The following CACUL1 variants were observed in gnomAD, a reference collection of about 807,000 sequenced individuals.
CACUL1 encodes the protein CDK2-associated and cullin domain-containing protein 1.
A neutral mutation model predicts 45.2 loss-of-function variants in CACUL1; 13 were observed. The ratio of observed to expected loss-of-function variants is 0.29; its 90% confidence interval spans 0.19 to 0.46. The LOEUF is 0.46. Ranked by LOEUF, CACUL1 falls within the 20% of genes least tolerant of loss-of-function variation. The probability of loss-of-function intolerance (pLI) is 1.00; values close to 1 mark genes in which losing one functional copy is unlikely to be tolerated. For synonymous variants in CACUL1, 197 were observed against 174.2 expected, an observed-to-expected ratio of 1.13 and a Z score of -1.03; for missense variants, 421 against 471.4, an observed-to-expected ratio of 0.89 and a Z score of 0.99.
chr10:118,678,639 T>A lies in CACUL1; in HGVS notation c.*7489A>T, dbSNP rs2119522816. ...ATTAAGTTTTTTTTTTATCATTTTC[T>A]CATTTTAAAATTTATTCTTAGGTAC... On this transcript the variant is annotated 3_prime_UTR_variant, in exon 9 of 9. Coordinates refer to ENST00000369151, the MANE Select transcript of CACUL1 (RefSeq NM_153810.5). 3 of 152,316 alleles carry A rather than the reference T, an allele frequency of 2.0e-5. No individual in the cohort carries two copies. Among genetic ancestry groups the A allele is most frequent in the African/African-American group, 7.2e-5 (3 of 41,564 alleles). The allele number at this position is 152,316 out of a possible 1,614,324, so 9.4% of individuals were successfully genotyped here. A position where few individuals can be genotyped will look rare whatever the true frequency, so the allele number is the denominator to read the frequency against.
intron 1 of CACUL1, among the ~76,000 whole-genome samples, chr10:118,735,986 T>C (rs770484986): frequency 3.3e-5 from 5 of 152,088 alleles, no homozygotes; most frequent in Admixed American, 6.6e-5. Context: ...AATGATGACT[T>C]TTTGTCACTA....
intron 1 of CACUL1, among the ~76,000 whole-genome samples, chr10:118,731,295 T>A (rs1845695571): frequency 6.6e-6 from 1 of 151,948 alleles, no homozygotes; most frequent in South Asian, 2.1e-4. Flanking sequence ...GGAAGCAGAG[T>A]GGTTAAGTGA....
intron 1 of CACUL1, among the ~76,000 whole-genome samples, chr10:118,746,841 T>C (rs1845847451): frequency 6.6e-6 from 1 of 152,128 alleles, no homozygotes. Flanking sequence ...CAACGGCACA[T>C]GTAAAAGAGA....
At chr10:118,686,830 C>G (rs1845212792) in intron 7 of CACUL1, 189 bp from the exon 8 acceptor site, 1 of 595,356 alleles carries the variant, frequency 1.7e-6, no homozygotes, top group African/African-American at 1.9e-5. Flanking sequence ...GAACATGAGC[C>G]TTTACCTGTA....
At chr10:118,686,785 C>G in intron 7 of CACUL1, 144 bp from the exon 8 acceptor site, 1 of 644,724 alleles carries the variant, frequency 1.6e-6, no homozygotes, top group Non-Finnish European at 2.8e-6. Context: ...ATCTTAGAAT[C>G]CTGATGTACC....
In CACUL1 at chr10:118,695,259, T is replaced by C. The variant is rs369575855; in HGVS notation, c.797-29A>G. 2.8e-5 allele frequency: 34 copies of C among 1,211,558 alleles called. 1 individual carries two copies. In the African/African-American group the frequency reaches 4.8e-4, roughly 17 times the overall value. The allele number at this position is 1,211,558 out of a possible 1,614,324, so 75.1% of individuals were successfully genotyped here. A position where few individuals can be genotyped will look rare whatever the true frequency, so the allele number is the denominator to read the frequency against. ...AAATAAGAAAACAGGTTAAAAAGAATGTAACACATATTGACTGTCAAGATT... is the reference window on the plus strand; with the variant it reads ...AAATAAGAAAACAGGTTAAAAAGAACGTAACACATATTGACTGTCAAGATT... On this transcript the variant is annotated intron_variant, in intron 5 of 8. Transcript: ENST00000369151.
chr10:118,697,541 A>G (rs1237763316), intron 5 of CACUL1, among the ~76,000 whole-genome samples: 1 of 152,242 alleles, frequency 6.6e-6, no homozygotes, highest in Non-Finnish European at 1.5e-5. Flanking sequence ...TTGGGACCAG[A>G]ACCAAGCTCC....
intron 3 of CACUL1, among the ~76,000 whole-genome samples, chr10:118,720,301 T>C (rs1446547292): frequency 1.3e-5 from 2 of 152,192 alleles, no homozygotes; most frequent in Admixed American, 6.5e-5. Flanking sequence ...GATTACTAAA[T>C]GGAGAAATAT....
intron 3 of CACUL1, 28 bp from the exon 4 acceptor site, chr10:118,707,615 A>G (rs1429539238): frequency 4.5e-6 from 5 of 1,109,800 alleles, no homozygotes; most frequent in Non-Finnish European, 6.7e-6. Flanking sequence ...AGTGTGATCA[A>G]TCTGGGAAAC....
At chr10:118,731,504 G>A (rs969240562) in intron 1 of CACUL1, among the ~76,000 whole-genome samples, 1 of 151,996 alleles carries the variant, frequency 6.6e-6, no homozygotes. Flanking sequence ...TTATTTTACA[G>A]GACATCTGAG....
intron 1 of CACUL1, among the ~76,000 whole-genome samples, chr10:118,740,270 G>C (rs1385233643): frequency 6.6e-6 from 1 of 152,138 alleles, no homozygotes; most frequent in Non-Finnish European, 1.5e-5. Context: ...AGGCCCTTCC[G>C]TGAATATTTA....
chr10:118,708,250 C>G (rs1231252714), intron 3 of CACUL1, among the ~76,000 whole-genome samples: 1 of 151,614 alleles, frequency 6.6e-6, no homozygotes, highest in Non-Finnish European at 1.5e-5. Context: ...ATATTTGAAC[C>G]TGGAATGAGT....
intron 8 of CACUL1, 134 bp downstream of exon 8, chr10:118,686,464 G>T: frequency 1.3e-6 from 1 of 777,608 alleles, no homozygotes; most frequent in South Asian, 1.6e-5. Context: ...AAAGCATCCT[G>T]ACCTTGATTA....
intron 1 of CACUL1, among the ~76,000 whole-genome samples, chr10:118,750,232 A>G (rs1845883618): frequency 6.6e-6 from 1 of 152,154 alleles, no homozygotes; most frequent in Non-Finnish European, 1.5e-5. Context: ...AGGCTGAGGC[A>G]GGAGAATTGC....
At chr10:118,734,296 C>T (rs1332887724) in intron 1 of CACUL1, among the ~76,000 whole-genome samples, 1 of 152,180 alleles carries the variant, frequency 6.6e-6, no homozygotes, top group Non-Finnish European at 1.5e-5. Flanking sequence ...TGTACTGTGC[C>T]AGTCTTTTCA....
chr10:118,712,877 G>A (rs1449426814), intron 3 of CACUL1, among the ~76,000 whole-genome samples: 1 of 152,214 alleles, frequency 6.6e-6, no homozygotes, highest in Non-Finnish European at 1.5e-5. Context: ...AGCTGGAAAA[G>A]GCACCACAAG....
chr10:118,707,044 A>C (rs929907638), intron 4 of CACUL1, among the ~76,000 whole-genome samples: 40 of 152,234 alleles, frequency 2.6e-4, no homozygotes, highest in African/African-American at 8.7e-4. Context: ...ACAAAGTCAC[A>C]GTCTACAGAT....
intron 3 of CACUL1, among the ~76,000 whole-genome samples, chr10:118,716,337 G>A (rs1845545347): frequency 6.8e-6 from 1 of 146,356 alleles, no homozygotes; most frequent in African/African-American, 2.5e-5. Flanking sequence ...GCATGTGTCT[G>A]TTTCTAAACA....
rs571144664 is a variant in CACUL1 at position 118,732,477 on chromosome 10, T to C, written c.368-2067A>G. 3.9e-5 allele frequency among the ~76,000 whole-genome samples: 6 copies of C among 152,300 alleles called. No individual in the cohort carries two copies. The South Asian group carries it at 6.2e-4, about 16-fold the overall frequency. Reference sequence around the variant, plus strand: ...CACACCCTACGACTACTTCTCTCAATGTTCTGTCCAGCTGCCAGAGCTTGC... The same window carrying C: ...CACACCCTACGACTACTTCTCTCAACGTTCTGTCCAGCTGCCAGAGCTTGC... On this transcript the variant is annotated intron_variant, in intron 1 of 8. Coordinates refer to ENST00000369151, the MANE Select transcript of CACUL1 (RefSeq NM_153810.5).
Sources: gnomAD v4.1 joint callset for allele counts (sites outside exome capture counted in the v4.1 genomes callset) on GRCh38, gnomAD v4.1.1 for gene constraint, MANE v1.5 for transcripts, NCBI Gene and HGNC (gene_info 2026-07-23, HGNC 2026-07-21) for gene names.